TIAM1: variants seen among roughly 807,000 people sequenced by gnomAD.
TIAM1 encodes the protein rho guanine nucleotide exchange factor TIAM1.
In TIAM1, 65 loss-of-function variants were observed where a neutral mutation model predicts 163.5. The ratio of observed to expected loss-of-function variants is 0.40; its 90% CI spans 0.33 to 0.49. The LOEUF (loss-of-function observed/expected upper bound fraction) is 0.49. Among genes scored for constraint, TIAM1 ranks in the 20% least tolerant of loss-of-function variants. The pLI, the probability that TIAM1 is intolerant of heterozygous loss-of-function variation, is 0.77. For missense variants in TIAM1, 1,789 were observed against 2,044.7 expected (o/e 0.87, Z 2.41); for synonymous variants, 833 against 810.1 (o/e 1.03, Z -0.48).
intron 2 of TIAM1, among the ~76,000 whole-genome samples, chr21:31,284,714 T>C (rs2073725244): frequency 6.6e-6 from 1 of 151,758 alleles, no homozygotes; most frequent in African/African-American, 2.4e-5. Context: ...TTAGTAGTGA[T>C]GGGGTTTCAC....
chr21:31,507,328 C>T (rs1191536989), intron 1 of TIAM1, among the ~76,000 whole-genome samples: 1 of 150,700 alleles, frequency 6.6e-6, no homozygotes, highest in Non-Finnish European at 1.5e-5. Flanking sequence ...CCTCAGCCTC[C>T]TGAGTAGCTG....
chr21:31,130,455 G>A (rs985617900), intron 24 of TIAM1, 140 bp from the exon 25 acceptor site: 8 of 655,004 alleles, frequency 1.2e-5, no homozygotes, highest in Middle Eastern at 3.5e-4. Context: ...ATGAGCTCCT[G>A]TCCATCCAGC....
intron 2 of TIAM1, among the ~76,000 whole-genome samples, chr21:31,398,994 G>A (rs1298427197): frequency 6.6e-6 from 1 of 151,782 alleles, no homozygotes; most frequent in East Asian, 1.9e-4. Flanking sequence ...TAGCCAACAT[G>A]GAGAAACCCC....
Position 31,266,346 on chromosome 21 carries a change from C to G in TIAM1, c.627G>C (p.Glu209Asp). 1 of 1,614,242 alleles carries G rather than the reference C, an allele frequency of 6.2e-7. No individual in the cohort carries two copies. The part of the protein sequence containing the change: ...ILGSAEEKDC[E>D]EARGMETRAS... ...CCCGCGTTTCCATCCCCCGAGCCTCCTCGCAGTCCTTCTCTTCGGCGGAAC... is the reference window on the plus strand; with the variant it reads ...CCCGCGTTTCCATCCCCCGAGCCTCGTCGCAGTCCTTCTCTTCGGCGGAAC... Residue 209 changes from glutamate (E) to aspartate (D), a missense_variant, in exon 4 of 28, where the codon GAG becomes GAC. Glu to Asp is a conservative substitution (Grantham distance 45). Around this residue, in one of 5 missense-constraint regions of TIAM1, gnomAD observed 555 missense variants for 564.9 expected, o/e 0.98. Transcript: ENST00000541036.
At chr21:31,228,243 A>AGGATTTTTCCTTTT (rs1569068912) in intron 6 of TIAM1, among the ~76,000 whole-genome samples, 1 of 51,774 alleles carries the variant, frequency 1.9e-5, no homozygotes, top group African/African-American at 4.2e-5. Flanking sequence ...AAAAAAAAAA[A>AGGATTTTTCCTTTT]AAAAAAAAAA....
intron 16 of TIAM1, among the ~76,000 whole-genome samples, chr21:31,158,551 TCATTA>T (rs1364587385): frequency 6.6e-6 from 1 of 152,164 alleles, no homozygotes; most frequent in African/African-American, 2.4e-5. Context: ...ACCATATGCA[TCATTA>T]CAAGTTATAA....
chr21:31,382,327 G>C (rs547127526), intron 2 of TIAM1, among the ~76,000 whole-genome samples: 1 of 152,332 alleles, frequency 6.6e-6, no homozygotes, highest in East Asian at 1.9e-4. Context: ...GGCATGACTT[G>C]AGATTTACGC....
intron 1 of TIAM1, among the ~76,000 whole-genome samples, chr21:31,498,542 G>A (rs1204222026): frequency 6.6e-6 from 1 of 152,216 alleles, no homozygotes; most frequent in Non-Finnish European, 1.5e-5. Flanking sequence ...GGATTTGATT[G>A]GGCACACCTG....
chr21:31,326,243 G>A (rs1269165564), intron 2 of TIAM1, among the ~76,000 whole-genome samples: 1 of 152,172 alleles, frequency 6.6e-6, no homozygotes, highest in Non-Finnish European at 1.5e-5. Flanking sequence ...GAATGGAGTT[G>A]AGCAGCTGCC....
intron 2 of TIAM1, among the ~76,000 whole-genome samples, chr21:31,412,252 C>T (rs1009321856): frequency 2.0e-5 from 3 of 152,066 alleles, no homozygotes; most frequent in Admixed American, 1.3e-4. Flanking sequence ...GAGTGTGGAA[C>T]GATAGACAAC....
chr21:31,134,138 A>G (rs1160828405), intron 23 of TIAM1, among the ~76,000 whole-genome samples: 1 of 152,130 alleles, frequency 6.6e-6, no homozygotes, highest in Non-Finnish European at 1.5e-5. Flanking sequence ...TCCTACTTAA[A>G]TTATTTTCTT....
At chr21:31,393,657 G>A (rs1041039517) in intron 2 of TIAM1, among the ~76,000 whole-genome samples, 1 of 152,168 alleles carries the variant, frequency 6.6e-6, no homozygotes, top group Non-Finnish European at 1.5e-5. Context: ...TTGGACTTCA[G>A]TTGTTTGTGA....
intron 2 of TIAM1, among the ~76,000 whole-genome samples, chr21:31,359,646 G>C (rs764623006): frequency 1.3e-5 from 2 of 151,950 alleles, no homozygotes; most frequent in African/African-American, 2.4e-5. Context: ...AAATTTAGCA[G>C]GGCATGGTGG....
At chr21:31,302,463 C>T (rs2074542841) in intron 2 of TIAM1, among the ~76,000 whole-genome samples, 1 of 152,212 alleles carries the variant, frequency 6.6e-6, no homozygotes, top group East Asian at 1.9e-4. Context: ...CGCAACCCCT[C>T]ATTCTCTTCC....
At chr21:31,161,220 A>C (rs2146351582) in intron 16 of TIAM1, among the ~76,000 whole-genome samples, 1 of 152,354 alleles carries the variant, frequency 6.6e-6, no homozygotes, top group African/African-American at 2.4e-5. Context: ...CATTTGCTAA[A>C]TGGAAAACAC....
chr21:31,186,210 G>A (rs913670730), intron 14 of TIAM1, among the ~76,000 whole-genome samples: 77 of 152,166 alleles, frequency 5.1e-4, no homozygotes, highest in Non-Finnish European at 1.5e-4. Context: ...GCGGGGAAGC[G>A]CTCTCTAAAG....
intron 2 of TIAM1, among the ~76,000 whole-genome samples, chr21:31,370,664 C>G (rs963374518): frequency 3.3e-5 from 5 of 152,074 alleles, no homozygotes; most frequent in Non-Finnish European, 5.9e-5. Flanking sequence ...ACAATATGTA[C>G]AAGACATACT....
In TIAM1 at chr21:31,301,130, T is replaced by TGTCCTA. The variant is rs548539559; in HGVS notation, c.-188-24223_-188-24222insTAGGAC. On this transcript the variant is annotated intron_variant, in intron 2 of 27. Coordinates refer to ENST00000541036, the MANE Select transcript of TIAM1 (RefSeq NM_001353694.2). ...AACCATACACAACAGCTATTATGAA[T>TGTCCTA]ATTCCCAGTGCTTAGGACAGGGGCG... Among the ~76,000 whole-genome samples the TGTCCTA allele has an allele frequency of 1.5e-3, 228 of 152,228 alleles. 1 individual carries two copies. The highest frequency in any genetic ancestry group is 5.3e-3 in the African/African-American group (220 of 41,564).
intron 2 of TIAM1, among the ~76,000 whole-genome samples, chr21:31,438,305 T>C (rs1460757120): frequency 1.3e-5 from 2 of 149,590 alleles, no homozygotes; most frequent in South Asian, 4.3e-4. Flanking sequence ...GATTCTCCTG[T>C]CTCAGCCTCC....
Sources: allele counts gnomAD v4.1 joint callset (sites outside exome capture counted in the v4.1 genomes callset), GRCh38; gene constraint gnomAD v4.1.1; regional missense constraint gnomAD v4.1.1; transcripts MANE v1.5; gene names NCBI Gene and HGNC (gene_info 2026-07-23, HGNC 2026-07-21).